NPC1: variants seen among roughly 807,000 people sequenced by gnomAD.
NPC1 encodes NPC intracellular cholesterol transporter 1.
A neutral mutation model predicts 140.4 loss-of-function variants in NPC1; 85 were observed. The ratio of observed to expected loss-of-function variants is 0.61; its 90% CI spans 0.51 to 0.72. NPC1 has a LOEUF of 0.72. Ranked by LOEUF, NPC1 falls within the 30% of genes least tolerant of loss-of-function variation. The pLI is 0.00. For missense variants in NPC1, 1,504 were observed against 1,623.8 expected (o/e 0.93, Z 1.27); for synonymous variants, 656 against 624.8 (o/e 1.05, Z -0.74).
At chr18:23,554,035 G>A (rs117867729) in intron 9 of NPC1, among the ~76,000 whole-genome samples, 3 of 152,150 alleles carry the variant, frequency 2.0e-5, no homozygotes, top group Middle Eastern at 3.4e-3. Flanking sequence ...CTGTGTTAGC[G>A]ACCCAGGCAC....
At chr18:23,519,111 G>C, downstream of NPC1, 3 of 1,614,166 alleles carry the variant, frequency 1.9e-6, no homozygotes, top group Non-Finnish European at 2.5e-6. Context: ...AGTTAAATAG[G>C]ACGGGAAAGT....
At chr18:23,518,798 A>G, downstream of NPC1, 4 of 1,130,160 alleles carry the variant, frequency 3.5e-6, no homozygotes, top group East Asian at 2.4e-5. Flanking sequence ...CATTAAGTGA[A>G]TATCTTATAA....
chr18:23,541,006 A>G, intron 16 of NPC1, 62 bp downstream of exon 16: 5 of 1,580,350 alleles, frequency 3.2e-6, no homozygotes, highest in Non-Finnish European at 4.3e-6. Flanking sequence ...CTGGCTTCTT[A>G]GAAGGCATGT....
chr18:23,568,221 C>A (rs539112025), intron 4 of NPC1, among the ~76,000 whole-genome samples: 101 of 152,276 alleles, frequency 6.6e-4, no homozygotes, highest in South Asian at 1.9e-3. Context: ...GACAAAATGA[C>A]CTCTCTCCAT....
chr18:23,526,858 T>C (rs1216159125), downstream of NPC1: 5 of 1,500,418 alleles, frequency 3.3e-6, no homozygotes, highest in Admixed American at 9.8e-5. Context: ...TTGTTGTGTC[T>C]TGTCTGTGAC....
At chr18:23,543,366 C>CAAAAA (rs2058738977) in intron 14 of NPC1, 89 bp downstream of exon 14, 1 of 693,350 alleles carries the variant, frequency 1.4e-6, no homozygotes. Flanking sequence ...AAAAAGGAAG[C>CAAAAA]AACACAAAGG....
At chr18:23,513,435 A>G (rs1186874699) in intron 3 of NPC1, among the ~76,000 whole-genome samples, 3 of 152,172 alleles carry the variant, frequency 2.0e-5, no homozygotes, top group African/African-American at 7.2e-5. Flanking sequence ...TTGCTTATCC[A>G]TTCATCTGTT....
chr18:23,524,513 A>C, downstream of NPC1: 1 of 1,609,982 alleles, frequency 6.2e-7, no homozygotes, highest in South Asian at 1.1e-5. Context: ...GTCGTGTTAC[A>C]ACATGGTGCT....
chr18:23,509,692 A>G (rs1200774848), intron 3 of NPC1: 1 of 152,684 alleles, frequency 6.5e-6, no homozygotes, highest in African/African-American at 2.4e-5. Flanking sequence ...CCTCGTGAGT[A>G]GATGGGATTA....
intron 2 of NPC1, among the ~76,000 whole-genome samples, chr18:23,572,805 C>T (rs1454520615): frequency 6.6e-6 from 1 of 152,206 alleles, no homozygotes; most frequent in East Asian, 1.9e-4. Flanking sequence ...TGCACTCTAG[C>T]CTTCAGCCAG....
chr18:23,509,165 A>G, intron 3 of NPC1: 1 of 980,550 alleles, frequency 1.0e-6, no homozygotes, highest in African/African-American at 1.7e-5. Context: ...CTTATTAATT[A>G]AAAATATTTT....
rs1171669901 is a variant in NPC1, at chr18:23,539,290, A to T, written c.2911+65T>A. Reference sequence around the variant, plus strand: ...TATAAACTGAGGCACGATGCAAATGATTTTTAAATGATAATTTGAAAATTT... The same window carrying T: ...TATAAACTGAGGCACGATGCAAATGTTTTTTAAATGATAATTTGAAAATTT... On this transcript the variant is annotated intron_variant, in intron 19 of 24. Coordinates refer to ENST00000269228, the MANE Select transcript of NPC1 (RefSeq NM_000271.5). The T allele has an allele frequency of 6.9e-6, 8 of 1,151,138 alleles. No individual in the cohort carries two copies. In the South Asian group the frequency reaches 1.0e-4, roughly 15 times the overall value. The allele number at this position is 1,151,138 out of a possible 1,614,324, so 71.3% of individuals were successfully genotyped here. A position where few individuals can be genotyped will look rare whatever the true frequency, so the allele number is the denominator to read the frequency against.
At chr18:23,574,357 G>C (rs2059244955) in intron 1 of NPC1, among the ~76,000 whole-genome samples, 1 of 152,030 alleles carries the variant, frequency 6.6e-6, no homozygotes, top group Admixed American at 6.5e-5. Flanking sequence ...GCTTGCCAGG[G>C]CCCCGGGCCT....
chr18:23,540,905 A>G lies in NPC1; in HGVS notation c.2514+163T>C, dbSNP rs1788821. Among the ~76,000 whole-genome samples the G allele has an allele frequency of 0.75, 113,988 of 152,172 alleles. 43,834 individuals carry two copies. Among genetic ancestry groups the G allele is most frequent in the East Asian group, 0.93 (4,806 of 5,186 alleles). On this transcript the variant is annotated intron_variant, in intron 16 of 24. Coordinates refer to ENST00000269228, the MANE Select transcript of NPC1 (RefSeq NM_000271.5). ...TTTATATGGACTGATAAAAGCTCAC[A>G]GGAAAAACATTTTATCTACTGTTCC...
intron 24 of NPC1, chr18:23,533,105 G>A: frequency 1.6e-6 from 1 of 625,838 alleles, no homozygotes; most frequent in African/African-American, 1.9e-5. Flanking sequence ...CTGGCTCCAG[G>A]CCTTTGTGAA....
intron 1 of NPC1, among the ~76,000 whole-genome samples, chr18:23,585,819 T>TCAA (rs1479069688): frequency 2.0e-5 from 3 of 152,206 alleles, no homozygotes; most frequent in Admixed American, 2.0e-4. Flanking sequence ...TGTCAAGTAC[T>TCAA]CAAGGCAGTT....
intron 1 of NPC1, chr18:23,576,863 C>A: frequency 6.4e-6 from 1 of 155,660 alleles, no homozygotes; most frequent in Non-Finnish European, 1.4e-5. Flanking sequence ...CAGTGTGGAC[C>A]CAAAGAGTGA....
chr18:23,513,103 G>A (rs755069141), intron 3 of NPC1, among the ~76,000 whole-genome samples: 7 of 151,994 alleles, frequency 4.6e-5, no homozygotes, highest in East Asian at 1.9e-4. Context: ...ACAGGTGTGC[G>A]CCACCACGCC....
intron 3 of NPC1, 64 bp downstream of exon 3, chr18:23,572,010 G>A: frequency 1.1e-6 from 1 of 916,412 alleles, no homozygotes; most frequent in South Asian, 1.4e-5. Flanking sequence ...TAAATGGAAA[G>A]CTGAGCATTA....
Sources: allele counts gnomAD v4.1 joint callset (sites outside exome capture counted in the v4.1 genomes callset), GRCh38; gene constraint gnomAD v4.1.1; transcripts MANE v1.5; gene names NCBI Gene and HGNC (gene_info 2026-07-23, HGNC 2026-07-21).